ISL2: variants seen among roughly 807,000 people sequenced by gnomAD.
ISL2 encodes the protein ISL LIM homeobox 2.
A neutral mutation model predicts 34.6 loss-of-function variants in ISL2; 17 were observed. The observed-to-expected ratio is 0.49, with a 90% confidence interval of 0.34 to 0.74. The LOEUF (loss-of-function observed/expected upper bound fraction) is 0.74. ISL2 is among the 30% of genes least tolerant of loss of function. The pLI is 0.01. For synonymous variants in ISL2, 232 were observed against 225.5 expected, an observed-to-expected ratio of 1.03 and a Z score of -0.26; for missense variants, 469 against 515.2, an observed-to-expected ratio of 0.91 and a Z score of 0.87.
At chr15:76,340,827 C>T (rs1341341089) in intron 4 of ISL2, among the ~76,000 whole-genome samples, 1 of 152,248 alleles carries the variant, frequency 6.6e-6, no homozygotes, top group South Asian at 2.1e-4. Context: ...TGGCAGTGTG[C>T]AGCGCCCGCC....
intron 1 of ISL2, chr15:76,337,349 C>A: frequency 3.2e-6 from 1 of 316,720 alleles, no homozygotes; most frequent in Non-Finnish European, 5.7e-6. Context: ...GCGGGGACTG[C>A]CGAAAGACGA....
At chr15:76,340,648 G>A (rs2040186819) in intron 4 of ISL2, 89 bp downstream of exon 4, 3 of 1,275,232 alleles carry the variant, frequency 2.4e-6, no homozygotes, top group Non-Finnish European at 2.2e-6. Context: ...GCGAGCCCTG[G>A]GAGATCCAGG....
Position 76,340,337 on chromosome 15 carries a change from G to A in ISL2, c.573G>A (p.Thr191=), listed in dbSNP as rs200011600. 3.7e-6 allele frequency: 6 copies of A among 1,612,438 alleles called. No homozygotes were observed. In the Admixed American group the frequency reaches 5.0e-5, roughly 13 times the overall value. The part of the protein sequence containing the change: ...RPHVHKQTEK[T]TRVRTVLNEK... ...ACGTGCACAAGCAGACGGAGAAGAC[G>A]ACCCGCGTGCGGACTGTGCTGAACG... Residue 191 remains threonine (T), a synonymous_variant, in exon 4 of 6, where the codon ACG becomes ACA. Coordinates refer to ENST00000290759, the MANE Select transcript of ISL2 (RefSeq NM_145805.3).
In ISL2 at chr15:76,340,500, G is replaced by A; in HGVS notation, c.736G>A (p.Asp246Asn). Residue 246 changes from aspartate to asparagine, a missense_variant, in exon 4 of 6, where the codon GAC becomes AAC. Asp to Asn is a conservative substitution (Grantham distance 23). This residue lies in a region of ISL2 where 169 missense variants were observed against 154.2 expected (regional missense o/e 1.10). Transcript: ENST00000290759. ...CTGGTTCCAGAACAAGCGCTGCAAG[G>A]ACAAGAAGAAATCCATTCTCATGAA... The part of the protein sequence containing the change: ...RVWFQNKRCK[D>N]KKKSILMKQL... 1 of 1,613,670 alleles carries A rather than the reference G, an allele frequency of 6.2e-7. No individual in the cohort carries two copies. The highest frequency in any genetic ancestry group is 8.5e-7 in the Non-Finnish European group (1 of 1,179,952).
In ISL2 at chr15:76,340,324, AGACGGAGAAGAC is replaced by A. The variant is rs2040184003; in HGVS notation, c.564_575del (p.Glu189_Thr192del). 6.2e-7 allele frequency: 1 copy of A among 1,611,508 alleles called. No homozygotes were observed. The highest frequency in any genetic ancestry group is 1.7e-5 in the Admixed American group (1 of 59,968). On this transcript the variant is annotated inframe_deletion, in exon 4 of 6. Coordinates refer to ENST00000290759, the MANE Select transcript of ISL2 (RefSeq NM_145805.3). ...GCGTTGCGCCCGCACGTGCACAAGC[AGACGGAGAAGAC>A]GACCCGCGTGCGGACTGTGCTGAAC...
Position 76,341,946 on chromosome 15 carries a change from T to C in ISL2, c.*111T>C, listed in dbSNP as rs2040197637. The C allele has an allele frequency of 3.9e-6, 3 of 760,116 alleles. No individual in the cohort carries two copies. The highest frequency in any genetic ancestry group is 4.6e-6 in the Non-Finnish European group (2 of 435,126). The allele number at this position is 760,116 out of a possible 1,614,324, so 47.1% of individuals were successfully genotyped here. A position where few individuals can be genotyped will look rare whatever the true frequency, so the allele number is the denominator to read the frequency against. On this transcript the variant is annotated 3_prime_UTR_variant, in exon 6 of 6. Coordinates refer to ENST00000290759, the MANE Select transcript of ISL2 (RefSeq NM_145805.3). ...CTCTCTCGCCTTCGTAATTATTCTA[T>C]TGTTATTTATGAGAGAGTACCGAGA...
intron 3 of ISL2, 61 bp downstream of exon 3, chr15:76,338,575 G>C: frequency 7.9e-7 from 1 of 1,270,294 alleles, no homozygotes; most frequent in Non-Finnish European, 9.9e-7. Context: ...TGTGTGTAGG[G>C]GTACGCTTGT....
chr15:76,337,174 T>G (rs1207246421), intron 1 of ISL2, among the ~76,000 whole-genome samples: 4 of 152,030 alleles, frequency 2.6e-5, no homozygotes, highest in Non-Finnish European at 5.9e-5. Flanking sequence ...GACTTCGGGC[T>G]GCGAAATCTG....
intron 3 of ISL2, chr15:76,339,321 G>A (rs945947639): frequency 2.0e-6 from 2 of 983,740 alleles, no homozygotes; most frequent in African/African-American, 3.5e-5. Context: ...AGAGGAAACT[G>A]GGCTGGATGG....
At chr15:76,340,146 A>G (rs1810348) in intron 3 of ISL2, 130 bp from the exon 4 acceptor site, 1,265,607 of 1,427,030 alleles carry the variant, frequency 0.89, 563,207 homozygotes, top group South Asian at 0.93. Context: ...AAGACGAACA[A>G]TTAAACGAAA....
At chr15:76,340,593 G>A (rs763827600) in intron 4 of ISL2, 34 bp downstream of exon 4, 9 of 1,582,392 alleles carry the variant, frequency 5.7e-6, no homozygotes, top group Non-Finnish European at 7.7e-6. Flanking sequence ...CTCGAGTCGG[G>A]TGGGGGCTGC....
chr15:76,339,487 G>C, intron 3 of ISL2: 1 of 985,674 alleles, frequency 1.0e-6, no homozygotes, highest in Non-Finnish European at 1.2e-6. Flanking sequence ...CTGGGATCTC[G>C]GAGAGGCTCC....
chr15:76,339,580 G>A (rs1236611280), intron 3 of ISL2: 1 of 985,600 alleles, frequency 1.0e-6, no homozygotes, highest in Non-Finnish European at 1.2e-6. Context: ...GGGGCCAAGC[G>A]AGGAGAGTGC....
chr15:76,338,766 C>T, intron 3 of ISL2: 1 of 985,352 alleles, frequency 1.0e-6, no homozygotes, highest in Non-Finnish European at 1.2e-6. Context: ...TCTCCATGAC[C>T]AGGAACATGC....
chr15:76,339,826 C>A, intron 3 of ISL2: 1 of 1,001,784 alleles, frequency 1.0e-6, no homozygotes, highest in Non-Finnish European at 1.2e-6. Flanking sequence ...GCACCTCCCA[C>A]CCAGTCCCCT....
intron 1 of ISL2, among the ~76,000 whole-genome samples, chr15:76,337,227 T>TG (rs1185021854): frequency 5.2e-5 from 5 of 95,480 alleles, no homozygotes; most frequent in Admixed American, 4.4e-4. Flanking sequence ...TTTAGGGATG[T>TG]GGGTTTTTTT....
chr15:76,338,095 C>T lies in ISL2; in HGVS notation c.248+128C>T, dbSNP rs1031927336. On this transcript the variant is annotated intron_variant, in intron 2 of 5. Coordinates refer to ENST00000290759, the MANE Select transcript of ISL2 (RefSeq NM_145805.3). Reference sequence around the variant, plus strand: ...GGCCATCCGCATCCCGCACGGGTGCCGCAGCGCTCCCCCGGGCCCGGGAAT... The same window carrying T: ...GGCCATCCGCATCCCGCACGGGTGCTGCAGCGCTCCCCCGGGCCCGGGAAT... 8.3e-6 allele frequency: 11 copies of T among 1,327,338 alleles called. No individual in the cohort carries two copies. The East Asian group carries it at 1.2e-4, about 15-fold the overall frequency. 82.2% of individuals were successfully genotyped at this position (1,327,338 alleles called of 1,614,324 possible). A position where few individuals can be genotyped will look rare whatever the true frequency, so the allele number is the denominator to read the frequency against.
At chr15:76,340,186 G>T in intron 3 of ISL2, 90 bp from the exon 4 acceptor site, 1 of 1,435,196 alleles carries the variant, frequency 7.0e-7, no homozygotes, top group African/African-American at 1.4e-5. Context: ...ACGAAATCGG[G>T]CCCCGGGGGG....
rs2040189118 is a variant in ISL2, at chr15:76,341,056, C to T, written c.796-78C>T. 3.0e-6 allele frequency: 4 copies of T among 1,350,548 alleles called. No individual in the cohort carries two copies. The South Asian group carries it at 5.7e-5, about 19-fold the overall frequency. 83.7% of individuals were successfully genotyped at this position (1,350,548 alleles called of 1,614,324 possible). On this transcript the variant is annotated intron_variant, in intron 4 of 5. Coordinates refer to ENST00000290759, the MANE Select transcript of ISL2 (RefSeq NM_145805.3). ...AATGCAGACCCTAAATCACTCAAGGCCTGGAGCTCCAGTCTCAAAGGTGGC... is the reference window on the plus strand; with the variant it reads ...AATGCAGACCCTAAATCACTCAAGGTCTGGAGCTCCAGTCTCAAAGGTGGC...
Sources: allele counts gnomAD v4.1 joint callset (sites outside exome capture counted in the v4.1 genomes callset), GRCh38; gene constraint gnomAD v4.1.1; regional missense constraint gnomAD v4.1.1; transcripts MANE v1.5; gene names NCBI Gene and HGNC (gene_info 2026-07-23, HGNC 2026-07-21).